DGKB: variants seen among roughly 807,000 people sequenced by gnomAD.
The protein encoded by DGKB is 90 kDa diacylglycerol kinase.
Under a neutral mutation model 114.3 loss-of-function variants are expected in DGKB, and 67 were observed. The ratio of observed to expected loss-of-function variants is 0.59; its 90% CI spans 0.48 to 0.72. The LOEUF (loss-of-function observed/expected upper bound fraction) is 0.72. Ranked by LOEUF, DGKB falls within the 30% of genes least tolerant of loss-of-function variation. DGKB has a pLI of 0.00. For synonymous variants in DGKB, 398 were observed against 323.1 expected (o/e 1.23, Z -2.49); for missense variants, 907 against 975.2 (o/e 0.93, Z 0.93).
intron 2 of DGKB, among the ~76,000 whole-genome samples, chr7:14,789,708 C>A (rs1044363602): frequency 2.1e-5 from 3 of 141,866 alleles, no homozygotes; most frequent in Non-Finnish European, 4.5e-5. Context: ...GTGCATGTTA[C>A]CACATCTGGC....
chr7:14,729,559 A>G (rs1586044547), intron 5 of DGKB, among the ~76,000 whole-genome samples: 1 of 152,262 alleles, frequency 6.6e-6, no homozygotes, highest in East Asian at 1.9e-4. Context: ...AGAAATGTGT[A>G]TGTTGATTTC....
intron 1 of DGKB, among the ~76,000 whole-genome samples, chr7:14,930,833 G>A (rs1309093281): frequency 6.6e-6 from 1 of 152,092 alleles, no homozygotes; most frequent in Non-Finnish European, 1.5e-5. Context: ...TATGATGTTG[G>A]TTGTGGGTTT....
At chr7:14,523,975 G>A (rs963638553) in intron 20 of DGKB, among the ~76,000 whole-genome samples, 9 of 152,128 alleles carry the variant, frequency 5.9e-5, no homozygotes, top group African/African-American at 1.7e-4. Flanking sequence ...CTATAGACCA[G>A]TGCTAATACT....
intron 1 of DGKB, among the ~76,000 whole-genome samples, chr7:14,861,853 C>A (rs572136384): frequency 5.9e-5 from 9 of 152,004 alleles, no homozygotes; most frequent in African/African-American, 2.2e-4. Flanking sequence ...CTTAATTATT[C>A]TCTTCTACTG....
chr7:14,690,271 A>G (rs997815237), intron 9 of DGKB, among the ~76,000 whole-genome samples: 4 of 152,178 alleles, frequency 2.6e-5, no homozygotes, highest in Non-Finnish European at 5.9e-5. Context: ...TTCTTGGCTA[A>G]CTTCTCGTTT....
intron 21 of DGKB, among the ~76,000 whole-genome samples, chr7:14,409,964 G>A (rs187122552): frequency 9.5e-4 from 144 of 152,124 alleles, no homozygotes; most frequent in Non-Finnish European, 1.7e-3. Flanking sequence ...AACTGTTTAT[G>A]TTATCAGTAA....
At chr7:14,749,382 T>A (rs1833800103) in intron 4 of DGKB, among the ~76,000 whole-genome samples, 1 of 152,134 alleles carries the variant, frequency 6.6e-6, no homozygotes, top group African/African-American at 2.4e-5. Flanking sequence ...TGAAAACTAT[T>A]TTAGCACTTC....
intron 21 of DGKB, among the ~76,000 whole-genome samples, chr7:14,379,610 A>T (rs1358875979): frequency 6.6e-6 from 1 of 151,924 alleles, no homozygotes; most frequent in Non-Finnish European, 1.5e-5. Context: ...CCCAGGCTGG[A>T]GTGCAGTGGC....
At chr7:14,714,471 G>T (rs956428674) in intron 6 of DGKB, among the ~76,000 whole-genome samples, 1 of 151,876 alleles carries the variant, frequency 6.6e-6, no homozygotes, top group African/African-American at 2.4e-5. Context: ...ATGAAATCAG[G>T]AACTATCAAA....
intron 14 of DGKB, among the ~76,000 whole-genome samples, chr7:14,624,174 G>C (rs1007350858): frequency 1.3e-5 from 2 of 152,006 alleles, no homozygotes; most frequent in African/African-American, 2.4e-5. Context: ...AAAGTTCAAC[G>C]CTTATATTTG....
intron 23 of DGKB, among the ~76,000 whole-genome samples, chr7:14,210,605 T>G (rs948744414): frequency 2.0e-5 from 3 of 152,032 alleles, no homozygotes; most frequent in Non-Finnish European, 4.4e-5. Flanking sequence ...ATCAATGTGG[T>G]CGGGTGAGAA....
chr7:14,933,947 T>A (rs1395866283), intron 1 of DGKB, among the ~76,000 whole-genome samples: 1 of 152,116 alleles, frequency 6.6e-6, no homozygotes, highest in African/African-American at 2.4e-5. Flanking sequence ...TGACTATATA[T>A]CCCAATATGT....
rs191628067 is a variant in DGKB, at chr7:14,308,918, C to T, written c.2122+29597G>A. On this transcript the variant is annotated intron_variant, in intron 23 of 25. Transcript: ENST00000402815. The stretch of plus-strand genomic sequence containing the variant: ...TAAATAGTCTGAGTTTCTTCAGCTT[C>T]GAAAATGTTAAAATAGGCTGTGCAT... Among the ~76,000 whole-genome samples, 23 of 152,184 alleles carry T rather than the reference C, an allele frequency of 1.5e-4. No individual in the cohort carries two copies. In the East Asian group the frequency reaches 1.9e-3, roughly 13 times the overall value.
At chr7:14,645,986 T>A (rs1027034624) in intron 13 of DGKB, among the ~76,000 whole-genome samples, 4 of 151,906 alleles carry the variant, frequency 2.6e-5, no homozygotes, top group Non-Finnish European at 5.9e-5. Flanking sequence ...TACAAAACAA[T>A]CAGAAAACAA....
At chr7:14,316,297 A>G (rs1806498970) in intron 23 of DGKB, among the ~76,000 whole-genome samples, 1 of 147,440 alleles carries the variant, frequency 6.8e-6, no homozygotes, top group African/African-American at 2.6e-5. Flanking sequence ...GCAGAACTGA[A>G]GGAAATAGAG....
At chr7:14,522,634 A>G (rs991841654) in intron 20 of DGKB, among the ~76,000 whole-genome samples, 4 of 152,216 alleles carry the variant, frequency 2.6e-5, no homozygotes, top group African/African-American at 7.2e-5. Flanking sequence ...GAGCATGCCC[A>G]GGAAAAAATG....
chr7:14,785,078 A>G (rs949719137), intron 2 of DGKB, among the ~76,000 whole-genome samples: 9 of 152,188 alleles, frequency 5.9e-5, no homozygotes, highest in African/African-American at 2.2e-4. Flanking sequence ...AGAAAGGGCA[A>G]TAAAGAGTCA....
intron 20 of DGKB, among the ~76,000 whole-genome samples, chr7:14,502,391 A>T (rs1002419397): frequency 6.6e-6 from 1 of 151,976 alleles, no homozygotes; most frequent in Non-Finnish European, 1.5e-5. Context: ...GAATCAAAGA[A>T]AAAAACATCC....
intron 20 of DGKB, among the ~76,000 whole-genome samples, chr7:14,537,938 G>T (rs1473100772): frequency 6.6e-6 from 1 of 152,036 alleles, no homozygotes; most frequent in Non-Finnish European, 1.5e-5. Context: ...AAATTAGCCA[G>T]GCGTGGCGGC....
Sources: allele counts gnomAD v4.1 joint callset (sites outside exome capture counted in the v4.1 genomes callset), GRCh38; gene constraint gnomAD v4.1.1; transcripts MANE v1.5; gene names NCBI Gene and HGNC (gene_info 2026-07-23, HGNC 2026-07-21).